The following VWC2 variants were observed in gnomAD, a reference collection of about 807,000 sequenced individuals.
VWC2 encodes the protein von Willebrand factor C domain containing 2.
In VWC2, 14 loss-of-function variants were observed where a neutral mutation model predicts 29.8. The ratio of observed to expected loss-of-function variants is 0.47; its 90% CI spans 0.31 to 0.74. The LOEUF (loss-of-function observed/expected upper bound fraction) is 0.74, where lower values mean the gene tolerates loss of function less well. VWC2 is among the 30% of genes least tolerant of loss of function. VWC2 has a pLI of 0.05. For synonymous variants in VWC2, 213 were observed against 199.0 expected, an observed-to-expected ratio of 1.07 and a Z score of -0.59; for missense variants, 457 against 459.8, an observed-to-expected ratio of 0.99 and a Z score of 0.05.
At chr7:49,856,852 A>G (rs1364472911) in intron 3 of VWC2, among the ~76,000 whole-genome samples, 2 of 151,960 alleles carry the variant, frequency 1.3e-5, no homozygotes, top group South Asian at 4.2e-4. Context: ...TACTAAAAAT[A>G]CAAAAAATTA....
chr7:49,809,933 A>G (rs548123827), intron 3 of VWC2, among the ~76,000 whole-genome samples: 2 of 152,142 alleles, frequency 1.3e-5, no homozygotes, highest in South Asian at 4.1e-4. Flanking sequence ...TACTCTCTCA[A>G]TACTCCTAAA....
At chr7:49,788,415 G>A (rs528551241) in intron 2 of VWC2, among the ~76,000 whole-genome samples, 24 of 152,066 alleles carry the variant, frequency 1.6e-4, no homozygotes, top group African/African-American at 4.6e-4. Flanking sequence ...AATGCCAAAC[G>A]GGAGCACTGT....
rs751153995 is a variant in VWC2 at position 49,775,521 on chromosome 7, C to G, written c.86C>G (p.Pro29Arg). 18 of 1,577,008 alleles carry G rather than the reference C, an allele frequency of 1.1e-5. No individual in the cohort carries two copies. In the East Asian group the frequency reaches 2.2e-4, roughly 19 times the overall value. Residue 29 changes from proline to arginine, a missense_variant, in exon 2 of 4, where the codon CCG becomes CGG. Physicochemically the swap from Pro to Arg is moderately radical, Grantham distance 103. This residue lies in a region of VWC2 where 272 missense variants were observed against 202.7 expected (regional missense o/e 1.34). Transcript: ENST00000340652. ...TCCLMVALCS[P>R]SIPLEKLAQA... ...TGCCTGATGGTGGCTCTGTGCAGTC[C>G]GAGCATCCCGCTGGAGAAGCTGGCC...
chr7:49,910,592 G>A (rs190924083), intron 3 of VWC2, among the ~76,000 whole-genome samples: 2 of 102,352 alleles, frequency 2.0e-5, no homozygotes, highest in Admixed American at 1.8e-4. Flanking sequence ...ATAACACAAA[G>A]CCATTAATCT....
intron 3 of VWC2, among the ~76,000 whole-genome samples, chr7:49,893,934 G>A (rs1369005078): frequency 6.6e-6 from 1 of 152,180 alleles, no homozygotes; most frequent in African/African-American, 2.4e-5. Flanking sequence ...AAAATAAAAT[G>A]CGTTGCCACA....
intron 3 of VWC2, among the ~76,000 whole-genome samples, chr7:49,879,097 G>A (rs552310760): frequency 6.6e-6 from 1 of 152,130 alleles, no homozygotes; most frequent in South Asian, 2.1e-4. Flanking sequence ...ATCCTCAAAG[G>A]TCTCTGCTTT....
At chr7:49,802,664 T>C in intron 2 of VWC2, 47 bp from the exon 3 acceptor site, 2 of 1,612,062 alleles carry the variant, frequency 1.2e-6, no homozygotes, top group South Asian at 2.2e-5. Context: ...CCCTGTAGGA[T>C]AAACATGACA....
chr7:49,800,996 C>G (rs908358931), intron 2 of VWC2, among the ~76,000 whole-genome samples: 2 of 152,078 alleles, frequency 1.3e-5, no homozygotes, highest in African/African-American at 4.8e-5. Context: ...TCAGGCTACA[C>G]TAAAGTTTTT....
chr7:49,789,239 G>C lies in VWC2; in HGVS notation c.696+13108G>C, dbSNP rs553615489. Among the ~76,000 whole-genome samples the C allele has an allele frequency of 4.7e-4, 67 of 143,320 alleles. No homozygotes were observed. The East Asian group carries it at 0.013, about 28-fold the overall frequency. 94.0% of individuals were successfully genotyped at this position (143,320 alleles called of 152,430 possible). ...TGTGAGTGTGGGAGAGTGTGTGAAAGAGTGTAGGTGTGGGAGTGGGTGTGT... is the reference window on the plus strand; with the variant it reads ...TGTGAGTGTGGGAGAGTGTGTGAAACAGTGTAGGTGTGGGAGTGGGTGTGT... On this transcript the variant is annotated intron_variant, in intron 2 of 3. Transcript: ENST00000340652.
At chr7:49,887,235 A>G (rs2128729134) in intron 3 of VWC2, among the ~76,000 whole-genome samples, 1 of 152,264 alleles carries the variant, frequency 6.6e-6, no homozygotes, top group South Asian at 2.1e-4. Context: ...GCTCTGACAC[A>G]CACTTATTTA....
chr7:49,868,061 C>T (rs941591825), intron 3 of VWC2, among the ~76,000 whole-genome samples: 3 of 151,864 alleles, frequency 2.0e-5, no homozygotes, highest in East Asian at 1.9e-4. Flanking sequence ...CTCAAACTCC[C>T]GACCTCAAAT....
intron 3 of VWC2, among the ~76,000 whole-genome samples, chr7:49,857,823 A>C (rs994751417): frequency 1.3e-5 from 2 of 152,188 alleles, no homozygotes; most frequent in African/African-American, 4.8e-5. Context: ...AGTGAATCAG[A>C]GCTTCAATTT....
At chr7:49,894,385 G>A (rs530261023) in intron 3 of VWC2, among the ~76,000 whole-genome samples, 2 of 152,150 alleles carry the variant, frequency 1.3e-5, no homozygotes, top group South Asian at 2.1e-4. Context: ...CACCTGCCTC[G>A]GCCTCCCAAA....
chr7:49,838,224 C>T (rs1789710009), intron 3 of VWC2, among the ~76,000 whole-genome samples: 3 of 152,198 alleles, frequency 2.0e-5, no homozygotes, highest in Admixed American at 2.0e-4. Context: ...TAAGTACATG[C>T]TGGGAGCACA....
At chr7:49,889,647 C>T (rs904379956) in intron 3 of VWC2, among the ~76,000 whole-genome samples, 5 of 152,174 alleles carry the variant, frequency 3.3e-5, no homozygotes, top group Admixed American at 6.5e-5. Context: ...ACCCTTTTTG[C>T]TCCTTAAGTT....
At chr7:49,789,419 TCCC>T (rs72174754) in intron 2 of VWC2, among the ~76,000 whole-genome samples, 20,281 of 151,674 alleles carry the variant, frequency 0.13, 1,635 homozygotes, top group Middle Eastern at 0.2. Flanking sequence ...CATTAACATT[TCCC>T]CCCATTGGCC....
At position 49,829,308 on chromosome 7, in the gene VWC2, C is replaced by T. The variant is rs117342505; in HGVS notation, c.826+26468C>T. 9.0e-3 allele frequency among the ~76,000 whole-genome samples: 1,364 copies of T among 152,326 alleles called. 7 individuals are homozygous for T. Among genetic ancestry groups the T allele is most frequent in the Middle Eastern group, 0.014 (4 of 294 alleles). Reference sequence around the variant, plus strand: ...TAGAAAATCATATCCCAGTGACCAGCTTTCTGAACTCTTAGAGTCTCTCCC... The same window carrying T: ...TAGAAAATCATATCCCAGTGACCAGTTTTCTGAACTCTTAGAGTCTCTCCC... On this transcript the variant is annotated intron_variant, in intron 3 of 3. Transcript: ENST00000340652.
At chr7:49,888,810 C>G (rs932847324) in intron 3 of VWC2, among the ~76,000 whole-genome samples, 24 of 152,074 alleles carry the variant, frequency 1.6e-4, no homozygotes, top group Admixed American at 3.9e-4. Flanking sequence ...ACTTTGGGGG[C>G]CGAGGCAGGA....
intron 3 of VWC2, among the ~76,000 whole-genome samples, chr7:49,888,113 A>G (rs1791975632): frequency 6.6e-6 from 1 of 152,228 alleles, no homozygotes; most frequent in African/African-American, 2.4e-5. Context: ...CAGTGAGGTC[A>G]CATTAGTAGC....
Sources: allele counts gnomAD v4.1 joint callset (sites outside exome capture counted in the v4.1 genomes callset), GRCh38; gene constraint gnomAD v4.1.1; regional missense constraint gnomAD v4.1.1; transcripts MANE v1.5; gene names NCBI Gene and HGNC (gene_info 2026-07-23, HGNC 2026-07-21).